The following INPP4B variants were observed in gnomAD, a reference collection of about 807,000 sequenced individuals.
INPP4B encodes inositol polyphosphate 4-phosphatase type II.
INPP4B carries 55 observed loss-of-function variants against 122.5 expected under a neutral mutation model. That is an observed-to-expected ratio of 0.45 (90% confidence interval 0.36 to 0.56). INPP4B has a LOEUF of 0.56. INPP4B is among the 20% of genes least tolerant of loss of function. The pLI, the probability that INPP4B is intolerant of heterozygous loss-of-function variation, is 0.00. For synonymous variants in INPP4B, 403 were observed against 388.7 expected (o/e 1.04, Z -0.43); for missense variants, 1,000 against 1,097.7 (o/e 0.91, Z 1.26).
intron 5 of INPP4B, among the ~76,000 whole-genome samples, chr4:142,410,089 C>T (rs1804282060): frequency 6.6e-6 from 1 of 152,190 alleles, no homozygotes. Flanking sequence ...CCAATTTTGG[C>T]TGGAAGCCTA....
At chr4:142,648,019 A>G (rs1001405285) in intron 2 of INPP4B, among the ~76,000 whole-genome samples, 12 of 152,210 alleles carry the variant, frequency 7.9e-5, no homozygotes, top group African/African-American at 2.9e-4. Flanking sequence ...CTAAACTTCC[A>G]AATGACACAA....
intron 2 of INPP4B, among the ~76,000 whole-genome samples, chr4:142,522,044 G>A (rs1826149707): frequency 6.6e-6 from 1 of 152,070 alleles, no homozygotes; most frequent in Admixed American, 6.6e-5. Context: ...CTGGCTGTGT[G>A]CTTTGGGCAA....
intron 2 of INPP4B, among the ~76,000 whole-genome samples, chr4:142,667,492 A>G (rs981274726): frequency 9.2e-5 from 14 of 152,194 alleles, no homozygotes; most frequent in Non-Finnish European, 1.5e-4. Context: ...CAGGTTATGG[A>G]GTCAAACTAC....
chr4:142,151,534 C>T (rs1579088396), intron 17 of INPP4B, among the ~76,000 whole-genome samples: 2 of 152,266 alleles, frequency 1.3e-5, no homozygotes, highest in African/African-American at 4.8e-5. Context: ...ACTGTTTCTC[C>T]AATTTTGACC....
chr4:142,126,690 G>A (rs988154561), intron 18 of INPP4B, among the ~76,000 whole-genome samples: 1 of 152,050 alleles, frequency 6.6e-6, no homozygotes, highest in African/African-American at 2.4e-5. Context: ...AGAATAAAAT[G>A]TGAACAATGG....
chr4:142,628,421 G>T lies in INPP4B; in HGVS notation c.-191+97418C>A, dbSNP rs1255380314. On this transcript the variant is annotated intron_variant, in intron 2 of 25. Transcript: ENST00000262992. ...CTCTGGGGACTGTTGTGGGGTGGGG[G>T]GAGGGGGGAGGGATAGCATTGGGAG... Among the ~76,000 whole-genome samples the T allele has an allele frequency of 1.8e-4, 11 of 60,370 alleles. No homozygotes were observed. The East Asian group carries it at 3.0e-3, about 16-fold the overall frequency. The allele number at this position is 60,370 out of a possible 152,430, so 39.6% of individuals were successfully genotyped here.
chr4:142,364,566 C>A (rs906665588), intron 7 of INPP4B, among the ~76,000 whole-genome samples: 2 of 151,982 alleles, frequency 1.3e-5, no homozygotes, highest in Non-Finnish European at 2.9e-5. Flanking sequence ...TTTAAAAAGA[C>A]AAAAGACAAA....
intron 7 of INPP4B, among the ~76,000 whole-genome samples, chr4:142,351,293 C>G (rs1161910810): frequency 6.6e-6 from 1 of 152,012 alleles, no homozygotes; most frequent in Non-Finnish European, 1.5e-5. Context: ...CTATTCCCTA[C>G]CTCTAGAGCT....
intron 2 of INPP4B, among the ~76,000 whole-genome samples, chr4:142,555,566 A>C (rs945276165): frequency 6.6e-6 from 1 of 152,094 alleles, no homozygotes; most frequent in Non-Finnish European, 1.5e-5. Context: ...AAACTGGTTA[A>C]AAAAATTTAA....
chr4:142,686,959 T>G (rs1399182315), intron 2 of INPP4B, among the ~76,000 whole-genome samples: 9 of 151,840 alleles, frequency 5.9e-5, no homozygotes, highest in Admixed American at 5.9e-4. Context: ...AAATAGATTT[T>G]GGGGCGAAAA....
At chr4:142,099,167 G>A (rs1250480751) in intron 23 of INPP4B, among the ~76,000 whole-genome samples, 1 of 152,112 alleles carries the variant, frequency 6.6e-6, no homozygotes, top group African/African-American at 2.4e-5. Context: ...TTACTGGAAT[G>A]AGTTTAGGTG....
intron 1 of INPP4B, among the ~76,000 whole-genome samples, chr4:142,828,394 GA>G (rs1205262367): frequency 2.0e-5 from 3 of 152,066 alleles, no homozygotes; most frequent in Non-Finnish European, 2.9e-5. Flanking sequence ...AACAGCTGAA[GA>G]AATCTGTTGA....
At chr4:142,477,132 T>C (rs906382682) in intron 2 of INPP4B, among the ~76,000 whole-genome samples, 27 of 151,976 alleles carry the variant, frequency 1.8e-4, no homozygotes, top group African/African-American at 6.0e-4. Context: ...TAGAAAACAA[T>C]ATTAAGAGAA....
At chr4:142,187,795 G>A (rs2254486) in intron 15 of INPP4B, among the ~76,000 whole-genome samples, 150,758 of 152,238 alleles carry the variant, frequency 0.99, 74,663 homozygotes, top group East Asian at 1. Flanking sequence ...AGGGTTTTGC[G>A]ATGTTGCTCA....
rs1045451218 is a variant in INPP4B at position 142,147,379 on chromosome 4, G to A, written c.1564-1383C>T. 5.3e-5 allele frequency among the ~76,000 whole-genome samples: 8 copies of A among 152,112 alleles called. No homozygotes were observed. The East Asian group carries it at 5.8e-4, about 11-fold the overall frequency. ...TATGTGATGGCTATGTTGTAAAGAC[G>A]GAGTGCACAGACATGCCTACTTTAG... On this transcript the variant is annotated intron_variant, in intron 17 of 25. Coordinates refer to ENST00000262992, the MANE Select transcript of INPP4B (RefSeq NM_001101669.3).
intron 7 of INPP4B, among the ~76,000 whole-genome samples, chr4:142,331,620 A>G (rs1322540486): frequency 3.3e-5 from 5 of 152,206 alleles, no homozygotes; most frequent in African/African-American, 1.2e-4. Context: ...TTGAGAGGTA[A>G]CAAGCACTAT....
At chr4:142,625,414 C>G (rs866520554) in intron 2 of INPP4B, among the ~76,000 whole-genome samples, 3 of 152,054 alleles carry the variant, frequency 2.0e-5, no homozygotes, top group South Asian at 4.1e-4. Context: ...ACCTAGGAAT[C>G]CAACTTGCAA....
At chr4:142,669,438 A>G (rs565847455) in intron 2 of INPP4B, among the ~76,000 whole-genome samples, 3 of 152,294 alleles carry the variant, frequency 2.0e-5, no homozygotes, top group South Asian at 4.1e-4. Flanking sequence ...AGTAACCAAA[A>G]CAGCATGGTA....
intron 2 of INPP4B, among the ~76,000 whole-genome samples, chr4:142,549,044 C>T (rs1215944649): frequency 1.3e-5 from 2 of 152,060 alleles, no homozygotes; most frequent in East Asian, 3.9e-4. Flanking sequence ...TTCCCAATTA[C>T]AGATGGGACA....
Sources: allele counts gnomAD v4.1 joint callset (sites outside exome capture counted in the v4.1 genomes callset), GRCh38; gene constraint gnomAD v4.1.1; transcripts MANE v1.5; gene names NCBI Gene and HGNC (gene_info 2026-07-23, HGNC 2026-07-21).